Variants in CDH23 observed in about 807,000 individuals in gnomAD.
The protein encoded by CDH23 is cadherin-23.
Under a neutral mutation model 317.1 loss-of-function variants are expected in CDH23, and 189 were observed. That is an observed-to-expected ratio of 0.60 (90% CI 0.53 to 0.67). CDH23 has a LOEUF of 0.67. Among genes scored for constraint, CDH23 ranks in the 30% least tolerant of loss-of-function variants. The probability of loss-of-function intolerance (pLI) is 0.00; values close to 1 mark genes in which losing one functional copy is unlikely to be tolerated. For missense variants in CDH23, 4,401 were observed against 4,592.4 expected (o/e 0.96, Z 1.20); for synonymous variants, 1,839 against 1,876.8 (o/e 0.98, Z 0.52).
chr10:71,435,227 A>G (rs772562288), intron 1 of CDH23, among the ~76,000 whole-genome samples: 1 of 152,264 alleles, frequency 6.6e-6, no homozygotes, highest in African/African-American at 2.4e-5. Flanking sequence ...TGCATTGTGT[A>G]TCACAATGAC....
intron 3 of CDH23, among the ~76,000 whole-genome samples, chr10:71,473,252 C>T (rs755058015): frequency 2.6e-4 from 39 of 152,204 alleles, no homozygotes; most frequent in Non-Finnish European, 4.8e-4. Context: ...AGACTTTGTC[C>T]TGGACTTACT....
rs1044092862 is a variant in CDH23 at position 71,594,961 on chromosome 10, G to A, written c.832+16969G>A. Among the ~76,000 whole-genome samples, 29 of 152,198 alleles carry A rather than the reference G, an allele frequency of 1.9e-4. 1 individual carries two copies. The highest frequency in any genetic ancestry group is 1.6e-3 in the Admixed American group (24 of 15,280). On this transcript the variant is annotated intron_variant, in intron 9 of 69. Coordinates refer to ENST00000224721, the MANE Select transcript of CDH23 (RefSeq NM_022124.6). ...CAGGGCAAAATTACTGACAGGATGT[G>A]CCATGAGAAAGGGCTCTGGCATTAA...
chr10:71,398,521 G>A (rs7076006), intron 1 of CDH23, among the ~76,000 whole-genome samples: 27,625 of 150,258 alleles, frequency 0.18, 2,614 homozygotes, highest in South Asian at 0.24. Context: ...AGGTTGTGGG[G>A]TGTGGGGTGG....
At chr10:71,578,284 G>C (rs116615989) in intron 9 of CDH23, among the ~76,000 whole-genome samples, 1 of 152,156 alleles carries the variant, frequency 6.6e-6, no homozygotes, top group South Asian at 2.1e-4. Context: ...GGTCTGAGAC[G>C]GTTGGGCACT....
chr10:71,571,147 A>C (rs1383096814), intron 8 of CDH23, among the ~76,000 whole-genome samples: 1 of 152,196 alleles, frequency 6.6e-6, no homozygotes, highest in Non-Finnish European at 1.5e-5. Context: ...TGTGGCAAAG[A>C]ACAAAGGCTT....
rs117365408 is a variant in CDH23 at position 71,684,438 on chromosome 10, C to T, written c.1986+1866C>T. Among the ~76,000 whole-genome samples the T allele has an allele frequency of 6.7e-3, 1,023 of 152,164 alleles. 5 individuals carry two copies. The highest frequency in any genetic ancestry group is 0.017 in the Middle Eastern group (5 of 294). On this transcript the variant is annotated intron_variant, in intron 18 of 69. Transcript: ENST00000224721. ...GTGAATGTGCAGCCTGCTCCACCCC[C>T]CCTGGAGACACCAAGTGGAAAGAGG...
chr10:71,637,332 A>G (rs1862324366), intron 11 of CDH23, among the ~76,000 whole-genome samples: 1 of 152,034 alleles, frequency 6.6e-6, no homozygotes, highest in Admixed American at 6.6e-5. Context: ...GCCATGGTCT[A>G]GAAATCAGCT....
chr10:71,799,482 T>C lies in CDH23; in HGVS notation c.7225-10T>C. On this transcript the variant is annotated splice_polypyrimidine_tract_variant and intron_variant, in intron 51 of 69. Coordinates refer to ENST00000224721, the MANE Select transcript of CDH23 (RefSeq NM_022124.6). ...TGGCCTACTCTCTCTCCCTGCCCCC[T>C]GGGCTCCAGGAGGCTGTCTTTGAGG... is the stretch of plus-strand genomic sequence containing the variant. 6.2e-7 allele frequency: 1 copy of C among 1,614,016 alleles called. No individual in the cohort carries two copies. Among genetic ancestry groups the C allele is most frequent in the African/African-American group, 1.3e-5 (1 of 75,066 alleles).
At chr10:71,441,722 A>G (rs867672554) in intron 2 of CDH23, among the ~76,000 whole-genome samples, 12 of 95,096 alleles carry the variant, frequency 1.3e-4, no homozygotes, top group African/African-American at 4.2e-4. Flanking sequence ...ACTCTGTCTC[A>G]AAAAAAGAAA....
intron 11 of CDH23, among the ~76,000 whole-genome samples, chr10:71,640,869 A>T (rs1862511958): frequency 6.6e-6 from 1 of 152,242 alleles, no homozygotes; most frequent in Non-Finnish European, 1.5e-5. Flanking sequence ...GCTCCAGGTG[A>T]TGCTGATGCT....
rs1238283976 is a variant in CDH23, at chr10:71,800,632, C to A, written c.7363-4C>A. 6.2e-7 allele frequency: 1 copy of A among 1,613,750 alleles called. No individual in the cohort carries two copies. The highest frequency in any genetic ancestry group is 8.5e-7 in the Non-Finnish European group (1 of 1,179,768). On this transcript the variant is annotated splice_region_variant and splice_polypyrimidine_tract_variant and intron_variant, in intron 52 of 69. Coordinates refer to ENST00000224721, the MANE Select transcript of CDH23 (RefSeq NM_022124.6). Reference sequence around the variant, plus strand: ...AGGACCTAAAGCCACCCTCCCCCTACTAGGGTGACATCTATGTGCTGTCTT... The same window carrying A: ...AGGACCTAAAGCCACCCTCCCCCTAATAGGGTGACATCTATGTGCTGTCTT...
At chr10:71,682,229 A>C (rs896601562) in intron 17 of CDH23, among the ~76,000 whole-genome samples, 1 of 152,176 alleles carries the variant, frequency 6.6e-6, no homozygotes, top group African/African-American at 2.4e-5. Flanking sequence ...TTACATTACC[A>C]CCAGCTATCA....
chr10:71,529,905 G>A (rs1447230647), intron 6 of CDH23, among the ~76,000 whole-genome samples: 1 of 152,088 alleles, frequency 6.6e-6, no homozygotes, highest in Non-Finnish European at 1.5e-5. Context: ...GCTGCAAGGA[G>A]GAGGTCCTTA....
chr10:71,449,441 A>C (rs1404095582), intron 3 of CDH23, among the ~76,000 whole-genome samples: 1 of 152,166 alleles, frequency 6.6e-6, no homozygotes, highest in East Asian at 1.9e-4. Flanking sequence ...TCCTAAGATT[A>C]ACAGGAAACC....
intron 38 of CDH23, among the ~76,000 whole-genome samples, chr10:71,757,021 G>A (rs537409915): frequency 1.3e-5 from 2 of 152,230 alleles, no homozygotes; most frequent in South Asian, 4.1e-4. Context: ...ATTACAGCAG[G>A]TTCCCTGCAG....
chr10:71,724,079 G>A lies in CDH23; in HGVS notation c.3404G>A (p.Gly1135Glu). Residue 1135 changes from glycine (G) to glutamate (E), a missense_variant, in exon 29 of 70, where the codon GGG becomes GAG. Around this residue, in one of 3 missense-constraint regions of CDH23, gnomAD observed 3,068 missense variants for 3,203.3 expected, o/e 0.96. Coordinates refer to ENST00000224721, the MANE Select transcript of CDH23 (RefSeq NM_022124.6). ...KATDADEGEFGRVWYRILHGN... is the reference protein window; with the variant it reads ...KATDADEGEFERVWYRILHGN... ...ACGGACGCAGATGAGGGCGAGTTTGGGCGTGTGTGGTACCGCATCCTCCAT... is the reference window on the plus strand; with the variant it reads ...ACGGACGCAGATGAGGGCGAGTTTGAGCGTGTGTGGTACCGCATCCTCCAT... 6.4e-7 allele frequency: 1 copy of A among 1,559,962 alleles called. No homozygotes were observed. Among genetic ancestry groups the A allele is most frequent in the Non-Finnish European group, 8.7e-7 (1 of 1,151,640 alleles).
chr10:71,486,393 T>C (rs1415196833), intron 3 of CDH23, among the ~76,000 whole-genome samples: 3 of 148,244 alleles, frequency 2.0e-5, no homozygotes, highest in Non-Finnish European at 3.0e-5. Flanking sequence ...CTGGGAAAGA[T>C]GGGATGAGAG....
chr10:71,793,375 G>C lies in CDH23; in HGVS notation c.6447G>C (p.Arg2149=), dbSNP rs1589424795. 1 of 1,613,914 alleles carries C rather than the reference G, an allele frequency of 6.2e-7. No individual in the cohort carries two copies. Residue 2149 remains arginine, a synonymous_variant, in exon 48 of 70, where the codon CGG becomes CGC. Coordinates refer to ENST00000224721, the MANE Select transcript of CDH23 (RefSeq NM_022124.6). The part of the protein sequence containing the change: ...SYRLTVVATD[R]GTVPLSGTAI... The stretch of plus-strand genomic sequence containing the variant: ...GGCTAACGGTGGTGGCCACCGACCG[G>C]GGCACCGTTCCTCTCTCGGGCACAG...
intron 28 of CDH23, among the ~76,000 whole-genome samples, chr10:71,721,639 T>C (rs1866561764): frequency 1.3e-5 from 2 of 152,148 alleles, no homozygotes; most frequent in Admixed American, 1.3e-4. Flanking sequence ...CTCCCCACCA[T>C]CAACATGCTC....
Sources: allele counts gnomAD v4.1 joint callset (sites outside exome capture counted in the v4.1 genomes callset), GRCh38; gene constraint gnomAD v4.1.1; regional missense constraint gnomAD v4.1.1; transcripts MANE v1.5; gene names NCBI Gene and HGNC (gene_info 2026-07-23, HGNC 2026-07-21).